NKAIN3: variants seen among roughly 807,000 people sequenced by gnomAD.
NKAIN3 encodes sodium/potassium-transporting ATPase subunit beta-1-interacting protein 3.
A neutral mutation model predicts 30.2 loss-of-function variants in NKAIN3; 25 were observed. The ratio of observed to expected loss-of-function variants is 0.83; its 90% CI spans 0.60 to 1.16. The LOEUF (loss-of-function observed/expected upper bound fraction) is 1.16. Ranked by LOEUF, NKAIN3 falls within the 50% of genes most tolerant of loss-of-function variation. The pLI is 0.00. For missense variants in NKAIN3, 225 were observed against 254.1 expected, an observed-to-expected ratio of 0.89 and a Z score of 0.78; for synonymous variants, 91 against 89.6, an observed-to-expected ratio of 1.02 and a Z score of -0.09.
intron 6 of NKAIN3, among the ~76,000 whole-genome samples, chr8:62,964,199 T>C (rs1262919236): frequency 1.3e-5 from 2 of 152,206 alleles, no homozygotes; most frequent in Admixed American, 1.3e-4. Context: ...GAGGGAGAAC[T>C]GGAAGTCTTC....
chr8:62,329,003 C>G (rs554978033), intron 1 of NKAIN3, among the ~76,000 whole-genome samples: 2 of 151,950 alleles, frequency 1.3e-5, no homozygotes, highest in African/African-American at 2.4e-5. Context: ...TTTTTTGGGT[C>G]ACCCTCTCTG....
At chr8:62,926,067 C>T (rs1342735487) in intron 5 of NKAIN3, among the ~76,000 whole-genome samples, 1 of 152,010 alleles carries the variant, frequency 6.6e-6, no homozygotes, top group African/African-American at 2.4e-5. Flanking sequence ...TCAGGTGGTG[C>T]CGAGTGGAAA....
chr8:62,504,407 C>T (rs570795182), intron 1 of NKAIN3, among the ~76,000 whole-genome samples: 3 of 152,184 alleles, frequency 2.0e-5, no homozygotes, highest in Admixed American at 2.0e-4. Context: ...TCTCCAATGA[C>T]TCTTCCACCT....
At chr8:62,787,055 G>C (rs1817542684) in intron 4 of NKAIN3, among the ~76,000 whole-genome samples, 1 of 152,120 alleles carries the variant, frequency 6.6e-6, no homozygotes, top group Admixed American at 6.6e-5. Context: ...TGCAAGAACA[G>C]CAGGAGAAAA....
intron 3 of NKAIN3, among the ~76,000 whole-genome samples, chr8:62,649,845 G>T (rs527597298): frequency 1.2e-3 from 176 of 152,202 alleles, no homozygotes; most frequent in African/African-American, 1.7e-3. Flanking sequence ...CTGGGGGAAG[G>T]TTCCCCAGTG....
At chr8:62,870,271 GATATATATAA>G (rs1317608263) in intron 4 of NKAIN3, among the ~76,000 whole-genome samples, 5 of 85,608 alleles carry the variant, frequency 5.8e-5, no homozygotes, top group Non-Finnish European at 1.4e-4. Flanking sequence ...TCTATATATA[GATATATATAA>G]ATATCTATAG....
chr8:62,352,894 G>T (rs866479748), intron 1 of NKAIN3, among the ~76,000 whole-genome samples: 3 of 152,114 alleles, frequency 2.0e-5, no homozygotes, highest in Non-Finnish European at 4.4e-5. Flanking sequence ...TTAGTATTTT[G>T]GAGTGAATGA....
chr8:62,942,474 G>A, intron 5 of NKAIN3, among the ~76,000 whole-genome samples: 1 of 148,968 alleles, frequency 6.7e-6, no homozygotes. Flanking sequence ...CAAATTCAAT[G>A]CAATTCCCAT....
chr8:62,965,206 C>T (rs773479930), intron 6 of NKAIN3, 148 bp from the exon 7 acceptor site: 2 of 683,736 alleles, frequency 2.9e-6, no homozygotes, highest in Non-Finnish European at 3.6e-6. Flanking sequence ...CAGGAAGGCC[C>T]AAGTCTTTAA....
At chr8:62,316,058 C>G (rs917709414) in intron 1 of NKAIN3, among the ~76,000 whole-genome samples, 1 of 152,024 alleles carries the variant, frequency 6.6e-6, no homozygotes, top group Non-Finnish European at 1.5e-5. Flanking sequence ...GGGACTTTTC[C>G]CCCTTTTTCT....
intron 1 of NKAIN3, among the ~76,000 whole-genome samples, chr8:62,365,857 C>T (rs1298732044): frequency 6.6e-6 from 1 of 152,038 alleles, no homozygotes; most frequent in African/African-American, 2.4e-5. Context: ...TGAGCTTGAG[C>T]ATTTTTGCTT....
At chr8:62,744,244 AAACTT>A (rs1475634329) in intron 3 of NKAIN3, among the ~76,000 whole-genome samples, 4 of 152,186 alleles carry the variant, frequency 2.6e-5, no homozygotes, top group African/African-American at 9.7e-5. Context: ...CCCACACAAA[AAACTT>A]AAGAAGTTTG....
intron 4 of NKAIN3, among the ~76,000 whole-genome samples, chr8:62,789,645 A>G (rs1383674379): frequency 3.3e-5 from 5 of 152,080 alleles, no homozygotes; most frequent in African/African-American, 1.2e-4. Context: ...CACCAATCCC[A>G]CAGAAATACA....
At chr8:62,474,114 T>A (rs533744440) in intron 1 of NKAIN3, 1 of 152,280 alleles carries the variant, frequency 6.6e-6, no homozygotes, top group South Asian at 2.1e-4. Flanking sequence ...TCCTTGGAAA[T>A]GTAGTGGAAT....
chr8:62,870,532 T>A (rs1402744841), intron 4 of NKAIN3, among the ~76,000 whole-genome samples: 2 of 135,162 alleles, frequency 1.5e-5, no homozygotes, highest in Non-Finnish European at 3.1e-5. Context: ...TGTATATATG[T>A]ACAATATGTA....
At position 62,522,424 on chromosome 8, in the gene NKAIN3, C is replaced by T. The variant is rs141768208; in HGVS notation, c.55-57115C>T. 1.7e-3 allele frequency among the ~76,000 whole-genome samples: 261 copies of T among 152,054 alleles called. 1 individual carries two copies. Among genetic ancestry groups the T allele is most frequent in the African/African-American group, 6.0e-3 (247 of 41,468 alleles). The stretch of plus-strand genomic sequence containing the variant: ...CTATGTTGCTAGTTTATTTACTATA[C>T]TATACTTTTTATCCCTATTTTAGAG... On this transcript the variant is annotated intron_variant, in intron 1 of 6. Coordinates refer to ENST00000623646, the MANE Select transcript of NKAIN3 (RefSeq NM_001304533.3).
chr8:62,366,901 G>T (rs918051242), intron 1 of NKAIN3, among the ~76,000 whole-genome samples: 1 of 151,942 alleles, frequency 6.6e-6, no homozygotes, highest in Admixed American at 6.6e-5. Flanking sequence ...TTCCACTTTT[G>T]TTTGACTCAA....
intron 4 of NKAIN3, among the ~76,000 whole-genome samples, chr8:62,912,840 CA>C (rs1165820643): frequency 6.6e-6 from 1 of 151,964 alleles, no homozygotes; most frequent in Non-Finnish European, 1.5e-5. Flanking sequence ...ACCCAGGAGG[CA>C]GAGGTTTTGG....
At chr8:62,638,994 G>A (rs186671428) in intron 3 of NKAIN3, among the ~76,000 whole-genome samples, 2 of 152,210 alleles carry the variant, frequency 1.3e-5, no homozygotes, top group African/African-American at 2.4e-5. Flanking sequence ...GAAGAAATTT[G>A]TAACTTTCTC....
Sources: gnomAD v4.1 joint callset for allele counts (sites outside exome capture counted in the v4.1 genomes callset) on GRCh38, gnomAD v4.1.1 for gene constraint, MANE v1.5 for transcripts, NCBI Gene and HGNC (gene_info 2026-07-23, HGNC 2026-07-21) for gene names.